The following GRB10 variants were observed in gnomAD, a reference collection of about 807,000 sequenced individuals.
GRB10 encodes growth factor receptor-bound protein 10.
Under a neutral mutation model 80.9 loss-of-function variants are expected in GRB10, and 20 were observed. The ratio of observed to expected loss-of-function variants is 0.25; its 90% confidence interval spans 0.17 to 0.36. The LOEUF (loss-of-function observed/expected upper bound fraction) is 0.36. Ranked by LOEUF, GRB10 falls within the 10% of genes least tolerant of loss-of-function variation. The probability of loss-of-function intolerance (pLI) is 1.00; values close to 1 mark genes in which losing one functional copy is unlikely to be tolerated. For synonymous variants in GRB10, 291 were observed against 291.5 expected, an observed-to-expected ratio of 1.00 and a Z score of 0.02; for missense variants, 548 against 747.7, an observed-to-expected ratio of 0.73 and a Z score of 3.12.
intron 13 of GRB10, 101 bp from the exon 14 acceptor site, chr7:50,606,515 GGGAGTGAT>G: frequency 1.2e-6 from 1 of 832,002 alleles, no homozygotes; most frequent in South Asian, 1.4e-5. Flanking sequence ...GTGCGGAACA[GGGAGTGAT>G]GCCCTGTACC....
intron 4 of GRB10, among the ~76,000 whole-genome samples, chr7:50,705,712 T>TCGG (rs1236975575): frequency 6.6e-6 from 1 of 152,250 alleles, no homozygotes; most frequent in East Asian, 1.9e-4. Context: ...ATCATCTCCA[T>TCGG]CAGCACTCTA....
intron 5 of GRB10, among the ~76,000 whole-genome samples, chr7:50,698,465 C>T (rs1317481109): frequency 1.3e-5 from 2 of 152,200 alleles, no homozygotes; most frequent in Non-Finnish European, 2.9e-5. Flanking sequence ...TGTTCTTTCA[C>T]TTTTAATTAT....
chr7:50,754,983 G>A (rs1455072989), intron 3 of GRB10, among the ~76,000 whole-genome samples: 2 of 152,324 alleles, frequency 1.3e-5, no homozygotes, highest in East Asian at 1.9e-4. Context: ...TGAGGACACC[G>A]CGAGAAAACA....
chr7:50,672,192 C>T (rs1408697578), intron 6 of GRB10, among the ~76,000 whole-genome samples: 1 of 152,192 alleles, frequency 6.6e-6, no homozygotes, highest in Non-Finnish European at 1.5e-5. Flanking sequence ...GGTTGCATGG[C>T]AGCCCCCGGT....
intron 7 of GRB10, among the ~76,000 whole-genome samples, chr7:50,661,800 C>G (rs780699259): frequency 2.0e-5 from 3 of 152,206 alleles, no homozygotes; most frequent in Non-Finnish European, 4.4e-5. Flanking sequence ...TTCTGCATAC[C>G]TGGCTTACCC....
intron 18 of GRB10, among the ~76,000 whole-genome samples, chr7:50,593,585 G>A (rs553478729): frequency 3.3e-5 from 5 of 152,302 alleles, no homozygotes; most frequent in African/African-American, 1.2e-4. Flanking sequence ...ATAAGCTCAC[G>A]CAGGTAAATT....
At chr7:50,598,222 T>C (rs1279761083) in intron 17 of GRB10, among the ~76,000 whole-genome samples, 2 of 152,198 alleles carry the variant, frequency 1.3e-5, no homozygotes, top group East Asian at 1.9e-4. Flanking sequence ...ATATACAGCT[T>C]TGTGCATGAT....
chr7:50,680,840 C>A (rs1334746545), intron 5 of GRB10, among the ~76,000 whole-genome samples: 5 of 151,990 alleles, frequency 3.3e-5, no homozygotes, highest in Non-Finnish European at 5.9e-5. Flanking sequence ...CTAGTGTATC[C>A]AGGAAGGCTG....
chr7:50,635,373 A>G (rs548628000), intron 7 of GRB10, among the ~76,000 whole-genome samples: 1 of 152,288 alleles, frequency 6.6e-6, no homozygotes, highest in South Asian at 2.1e-4. Context: ...ATACAGCAAA[A>G]GCAGTGCTAA....
intron 7 of GRB10, among the ~76,000 whole-genome samples, chr7:50,666,417 C>T (rs2153633557): frequency 6.6e-6 from 1 of 152,290 alleles, no homozygotes; most frequent in East Asian, 1.9e-4. Context: ...ATGACTACTC[C>T]CATGCAGAAT....
At chr7:50,762,961 CA>C (rs1209415922) in intron 2 of GRB10, among the ~76,000 whole-genome samples, 20 of 152,062 alleles carry the variant, frequency 1.3e-4, no homozygotes, top group Non-Finnish European at 2.4e-4. Flanking sequence ...ACTAAAAATA[CA>C]AAAAAATTAG....
chr7:50,730,886 G>A (rs891441363), intron 4 of GRB10, among the ~76,000 whole-genome samples: 3 of 152,216 alleles, frequency 2.0e-5, no homozygotes, highest in African/African-American at 7.2e-5. Context: ...CCTCAAGAGA[G>A]ACTTTCCCTT....
At chr7:50,720,222 A>C (rs1386493664) in intron 4 of GRB10, among the ~76,000 whole-genome samples, 1 of 152,224 alleles carries the variant, frequency 6.6e-6, no homozygotes, top group African/African-American at 2.4e-5. Context: ...ACCTCACAAA[A>C]GTTAAAAATA....
Position 50,591,825 on chromosome 7 carries a change from G to A in GRB10, c.*1127C>T, listed in dbSNP as rs1278791551. 1.3e-5 allele frequency: 2 copies of A among 152,254 alleles called. No homozygotes were observed. Among genetic ancestry groups the A allele is most frequent in the African/African-American group, 4.8e-5 (2 of 41,448 alleles). 9.4% of individuals were successfully genotyped at this position (152,254 alleles called of 1,614,324 possible). A position where few individuals can be genotyped will look rare whatever the true frequency, so the allele number is the denominator to read the frequency against. On this transcript the variant is annotated 3_prime_UTR_variant, in exon 19 of 19. Coordinates refer to ENST00000401949, the MANE Select transcript of GRB10 (RefSeq NM_001350814.2). Reference sequence around the variant, plus strand: ...TGCAAGCAAAGATCTTTAAATATCAGCCTGTGCCTGTGGCCCCTGCAGCGT... The same window carrying A: ...TGCAAGCAAAGATCTTTAAATATCAACCTGTGCCTGTGGCCCCTGCAGCGT...
At chr7:50,626,718 G>T in intron 8 of GRB10, 104 bp downstream of exon 8, 2 of 1,319,224 alleles carry the variant, frequency 1.5e-6, no homozygotes, top group Middle Eastern at 2.4e-4. Context: ...TGCTAATTTC[G>T]CAGGGGACAC....
At chr7:50,742,271 G>GCGCACACACACACA (rs1189043181) in intron 3 of GRB10, among the ~76,000 whole-genome samples, 6 of 46,864 alleles carry the variant, frequency 1.3e-4, no homozygotes, top group Non-Finnish European at 2.0e-4. Context: ...ACGCGCGCGC[G>GCGCACACACACACA]CACACACACA....
chr7:50,777,763 C>T (rs192115014), intron 2 of GRB10, among the ~76,000 whole-genome samples: 1 of 152,218 alleles, frequency 6.6e-6, no homozygotes, highest in East Asian at 1.9e-4. Flanking sequence ...ATGTCCTTTG[C>T]AGGGACATGG....
At chr7:50,699,868 G>C (rs2063912188) in intron 5 of GRB10, among the ~76,000 whole-genome samples, 1 of 152,162 alleles carries the variant, frequency 6.6e-6, no homozygotes, top group African/African-American at 2.4e-5. Flanking sequence ...AGGCGCGGTG[G>C]CTCATGCCTG....
intron 8 of GRB10, among the ~76,000 whole-genome samples, chr7:50,623,816 G>C (rs891648899): frequency 1.3e-5 from 2 of 151,718 alleles, no homozygotes; most frequent in Admixed American, 6.6e-5. Flanking sequence ...CAGAAGCTTT[G>C]GTTTTTGGAT....
Sources: allele counts gnomAD v4.1 joint callset (sites outside exome capture counted in the v4.1 genomes callset), GRCh38; gene constraint gnomAD v4.1.1; transcripts MANE v1.5; gene names NCBI Gene and HGNC (gene_info 2026-07-23, HGNC 2026-07-21).